The following VWF variants were observed in gnomAD, a reference collection of about 807,000 sequenced individuals.
VWF encodes Factor VIII related antigen.
A neutral mutation model predicts 308.6 loss-of-function variants in VWF; 176 were observed. The ratio of observed to expected loss-of-function variants is 0.57; its 90% CI spans 0.50 to 0.65. The LOEUF is 0.65. Among genes scored for constraint, VWF ranks in the 30% least tolerant of loss-of-function variants. The pLI is 0.00. For missense variants in VWF, 3,146 were observed against 3,648.2 expected (o/e 0.86, Z 3.55); for synonymous variants, 1,385 against 1,443.4 (o/e 0.96, Z 0.92).
intron 14 of VWF, 58 bp downstream of exon 14, chr12:6,057,791 C>T (rs1944604710): frequency 6.5e-7 from 1 of 1,545,730 alleles, no homozygotes. Flanking sequence ...ACGCACTGCA[C>T]TAATGTGGAG....
chr12:6,020,902 C>T lies in VWF; in HGVS notation c.3674+998G>A, dbSNP rs1038320599. On this transcript the variant is annotated intron_variant, in intron 27 of 51. Transcript: ENST00000261405. The surrounding 1 kb of genome is among the most constrained non-coding windows in gnomAD (Gnocchi z 4.3). Reference sequence around the variant, plus strand: ...AAGGAGGTGGGGAGAGGGCTCGAAGCTCTCATGCCCTTTTGGCACAGAACC... The same window carrying T: ...AAGGAGGTGGGGAGAGGGCTCGAAGTTCTCATGCCCTTTTGGCACAGAACC... Among the ~76,000 whole-genome samples the T allele has an allele frequency of 2.0e-5, 3 of 152,182 alleles. No homozygotes were observed. Among genetic ancestry groups the T allele is most frequent in the East Asian group, 1.9e-4 (1 of 5,198 alleles).
Position 6,075,444 on chromosome 12 carries a change from A to C in VWF, c.765T>G (p.Cys255Trp). The change falls in exon 7 of 52, where the codon TGT becomes TGG. Residue 255 changes from cysteine (C) to tryptophan (W), a missense_variant. Cys to Trp is a radical substitution (Grantham distance 215). Transcript: ENST00000261405. This position sits in a 1 kb window ranked among gnomAD's most constrained non-coding sequence, Gnocchi z 4.7. ...CGCACTCCAGCCCCCCAGCACACTC[A>C]CACAAAGTCTTCTCACACAGGGCCA... The part of the protein sequence containing the change: ...PFVALCEKTL[C>W]ECAGGLECAC... 1 of 1,614,142 alleles carries C rather than the reference A, an allele frequency of 6.2e-7. No homozygotes were observed. The highest frequency in any genetic ancestry group is 8.5e-7 in the Non-Finnish European group (1 of 1,180,006).
At chr12:5,952,325 A>G (rs2286646) in intron 49 of VWF, 66 bp downstream of exon 49, 328,179 of 1,605,554 alleles carry the variant, frequency 0.2, 34,744 homozygotes, top group South Asian at 0.23. Context: ...TGGGATGCAC[A>G]CTATTCAGAA....
chr12:6,116,916 A>G (rs74407311), intron 3 of VWF, among the ~76,000 whole-genome samples: 2,015 of 152,282 alleles, frequency 0.013, 45 homozygotes, highest in South Asian at 0.045. Flanking sequence ...GAAGGTAGGC[A>G]TGTGCACGGA....
At chr12:6,014,781 G>T (rs1302606919) in intron 31 of VWF, among the ~76,000 whole-genome samples, 1 of 152,170 alleles carries the variant, frequency 6.6e-6, no homozygotes, top group Non-Finnish European at 1.5e-5. Context: ...CACCAAGGGG[G>T]TATATGTAAG....
intron 8 of VWF, 113 bp from the exon 9 acceptor site, chr12:6,072,555 A>C (rs1944793631): frequency 2.3e-6 from 2 of 858,360 alleles, no homozygotes. Flanking sequence ...AGCTCAAAGA[A>C]CTTGTTCTGT....
chr12:5,958,166 A>G (rs1289310513), intron 47 of VWF, among the ~76,000 whole-genome samples: 1 of 152,232 alleles, frequency 6.6e-6, no homozygotes, highest in Non-Finnish European at 1.5e-5. Context: ...TAACAACAGA[A>G]CAAGTAACAA....
chr12:6,059,095 C>T (rs1388562231), intron 13 of VWF, among the ~76,000 whole-genome samples: 2 of 152,184 alleles, frequency 1.3e-5, no homozygotes, highest in East Asian at 3.9e-4. Flanking sequence ...TAGAAGGTCC[C>T]AGGCCCATAG....
chr12:5,979,161 G>A (rs1943564917), intron 42 of VWF, among the ~76,000 whole-genome samples: 1 of 152,226 alleles, frequency 6.6e-6, no homozygotes, highest in South Asian at 2.1e-4. Flanking sequence ...TCATGGCTAT[G>A]AAAACTGGAA....
chr12:5,965,865 A>C (rs1943396079), intron 47 of VWF, among the ~76,000 whole-genome samples: 1 of 152,214 alleles, frequency 6.6e-6, no homozygotes, highest in South Asian at 2.1e-4. Context: ...GGCGAATCTA[A>C]GGGATCTCAA....
At chr12:6,103,399 CGTGTGTGTAT>C (rs1945195258) in intron 5 of VWF, among the ~76,000 whole-genome samples, 1 of 120,586 alleles carries the variant, frequency 8.3e-6, no homozygotes, top group Non-Finnish European at 1.7e-5. Flanking sequence ...TGTGTATACA[CGTGTGTGTAT>C]ACACACGTGT....
At chr12:6,032,743 CACAT>C (rs1485265410) in intron 20 of VWF, among the ~76,000 whole-genome samples, 2 of 152,150 alleles carry the variant, frequency 1.3e-5, no homozygotes, top group Non-Finnish European at 2.9e-5. Context: ...CCCACACACA[CACAT>C]ACACCCAAAT....
At chr12:6,047,149 C>T (rs146638532) in intron 16 of VWF, among the ~76,000 whole-genome samples, 87 of 152,284 alleles carry the variant, frequency 5.7e-4, no homozygotes, top group African/African-American at 2.0e-3. Context: ...CATGTGCCCC[C>T]ACTGCCTGGC....
chr12:5,988,708 T>G lies in VWF; in HGVS notation c.6799-3043A>C, dbSNP rs547095312. Among the ~76,000 whole-genome samples, 693 of 152,248 alleles carry G rather than the reference T, an allele frequency of 4.6e-3. 2 individuals are homozygous for G. Among genetic ancestry groups the G allele is most frequent in the Non-Finnish European group, 7.3e-3 (495 of 68,014 alleles). ...AAGGCCAAGCTTCTAAAAGCAACCG[T>G]AGTGGCTCTCCAGGCCTGGCCAGGC... On this transcript the variant is annotated intron_variant, in intron 38 of 51. Transcript: ENST00000261405.
rs1943806220 is a variant in VWF, at chr12:5,996,173, C to T, written c.5892G>A (p.Gln1964=). ...STRHIVTFDG[Q]NFKLTGSCSY... ...AACAGCTGCCAGTCAGCTTGAAATTCTGCCCATCAAAGGTCACGATGTGCC... is the reference window on the plus strand; with the variant it reads ...AACAGCTGCCAGTCAGCTTGAAATTTTGCCCATCAAAGGTCACGATGTGCC... Residue 1964 remains glutamine (Q), a synonymous_variant, in exon 35 of 52, where the codon CAG becomes CAA. Coordinates refer to ENST00000261405, the MANE Select transcript of VWF (RefSeq NM_000552.5). 8.7e-6 allele frequency: 14 copies of T among 1,613,930 alleles called. No homozygotes were observed. The highest frequency in any genetic ancestry group is 1.2e-5 in the Non-Finnish European group (14 of 1,180,012).
chr12:6,004,470 CGTGT>C (rs921738216), intron 34 of VWF, among the ~76,000 whole-genome samples: 5 of 151,198 alleles, frequency 3.3e-5, no homozygotes, highest in Admixed American at 1.3e-4. Context: ...TGTGTGTGTG[CGTGT>C]GTGTGTGTGC....
chr12:5,999,475 C>T (rs1034820344), intron 34 of VWF, among the ~76,000 whole-genome samples: 13 of 145,848 alleles, frequency 8.9e-5, no homozygotes, highest in African/African-American at 3.3e-4. Flanking sequence ...CACACATACA[C>T]ACACACACAC....
chr12:6,097,739 A>G (rs1945120322), intron 5 of VWF, among the ~76,000 whole-genome samples: 1 of 152,224 alleles, frequency 6.6e-6, no homozygotes, highest in South Asian at 2.1e-4. Context: ...GTTGGTAGCC[A>G]CAGGAAACTG....
Position 6,036,460 on chromosome 12 carries a change from T to C in VWF, c.2474A>G (p.Glu825Gly). 6.2e-7 allele frequency: 1 copy of C among 1,614,170 alleles called. No individual in the cohort carries two copies. The highest frequency in any genetic ancestry group is 8.5e-7 in the Non-Finnish European group (1 of 1,180,014). ...VRHENRCVAL[E>G]RCPCFHQGKE... ...GCCCTGATGGAAGCAGGGACACCTT[T>C]CCAGGGCCACACATCTGTTCTCATG... Residue 825 changes from glutamate (E) to glycine (G), a missense_variant, in exon 19 of 52, where the codon GAA becomes GGA. Glu to Gly is a moderately conservative substitution (Grantham distance 98, BLOSUM62 -2). This residue lies in a region of VWF where 1,304 missense variants were observed against 1,353.0 expected (regional missense o/e 0.96). Coordinates refer to ENST00000261405, the MANE Select transcript of VWF (RefSeq NM_000552.5).
Sources: allele counts gnomAD v4.1 joint callset (sites outside exome capture counted in the v4.1 genomes callset), GRCh38; gene constraint gnomAD v4.1.1; regional missense constraint gnomAD v4.1.1; non-coding constraint Gnocchi (gnomAD v3.1); transcripts MANE v1.5; gene names NCBI Gene and HGNC (gene_info 2026-07-23, HGNC 2026-07-21).